Variants in L3MBTL4 observed in about 807,000 individuals in gnomAD.
L3MBTL4 encodes lethal(3)malignant brain tumor-like protein 4.
In L3MBTL4, 70 loss-of-function variants were observed where a neutral mutation model predicts 84.5. The observed-to-expected ratio is 0.83, with a 90% CI of 0.68 to 1.01. The LOEUF (loss-of-function observed/expected upper bound fraction) is 1.01, where lower values mean the gene tolerates loss of function less well. Ranked by LOEUF, L3MBTL4 falls within the 50% of genes least tolerant of loss-of-function variation. The probability of loss-of-function intolerance (pLI) is 0.00; values close to 1 mark genes in which losing one functional copy is unlikely to be tolerated. For synonymous variants in L3MBTL4, 274 were observed against 259.8 expected (o/e 1.05, Z -0.52); for missense variants, 715 against 754.8 (o/e 0.95, Z 0.62).
At chr18:6,131,283 G>C (rs996028879) in intron 14 of L3MBTL4, among the ~76,000 whole-genome samples, 4 of 152,188 alleles carry the variant, frequency 2.6e-5, no homozygotes, top group Non-Finnish European at 5.9e-5. Flanking sequence ...CCTTCTTAAA[G>C]TGGAGCACTA....
chr18:6,197,012 G>A (rs547584056), intron 12 of L3MBTL4, among the ~76,000 whole-genome samples: 2 of 152,348 alleles, frequency 1.3e-5, no homozygotes, highest in South Asian at 2.1e-4. Flanking sequence ...GCAGGGCCCT[G>A]AACAGCTTAC....
intron 1 of L3MBTL4, among the ~76,000 whole-genome samples, chr18:6,331,234 TC>T (rs1431831446): frequency 1.3e-5 from 2 of 152,204 alleles, no homozygotes; most frequent in Admixed American, 1.3e-4. Flanking sequence ...GGTTGTCCTA[TC>T]TTTGATTAAT....
intron 14 of L3MBTL4, among the ~76,000 whole-genome samples, chr18:6,098,884 C>A (rs1012941839): frequency 6.6e-6 from 1 of 152,000 alleles, no homozygotes; most frequent in Non-Finnish European, 1.5e-5. Context: ...CATGTGGAAG[C>A]CTTTATGAAG....
chr18:6,113,758 T>C (rs1464510261), intron 14 of L3MBTL4, among the ~76,000 whole-genome samples: 1 of 152,238 alleles, frequency 6.6e-6, no homozygotes, highest in African/African-American at 2.4e-5. Flanking sequence ...AACTCAAAGA[T>C]AACTTGAGTT....
At chr18:6,083,929 G>A (rs1410398755) in intron 15 of L3MBTL4, among the ~76,000 whole-genome samples, 2 of 152,104 alleles carry the variant, frequency 1.3e-5, no homozygotes, top group African/African-American at 4.8e-5. Flanking sequence ...TTGGAAGAAA[G>A]GGCCTGCATC....
chr18:6,111,965 C>T (rs1307159091), intron 14 of L3MBTL4, among the ~76,000 whole-genome samples: 3 of 152,106 alleles, frequency 2.0e-5, no homozygotes, highest in African/African-American at 7.2e-5. Flanking sequence ...AAATTTTGTG[C>T]CAACATCTCC....
At chr18:6,316,221 C>T (rs1280406178) in intron 1 of L3MBTL4, among the ~76,000 whole-genome samples, 1 of 152,090 alleles carries the variant, frequency 6.6e-6, no homozygotes, top group African/African-American at 2.4e-5. Context: ...CACTGGACCC[C>T]TTGCAGATAA....
At chr18:6,205,945 T>C (rs1318918051) in intron 12 of L3MBTL4, among the ~76,000 whole-genome samples, 2 of 152,188 alleles carry the variant, frequency 1.3e-5, no homozygotes, top group Non-Finnish European at 2.9e-5. Flanking sequence ...GTATGTCTCC[T>C]CCAAAGCTAA....
In L3MBTL4 at chr18:6,313,850, A is replaced by C. The variant is rs528703950; in HGVS notation, c.-90-1794T>G. Among the ~76,000 whole-genome samples the C allele has an allele frequency of 2.0e-5, 3 of 152,350 alleles. No individual in the cohort carries two copies. The East Asian group carries it at 5.8e-4, about 29-fold the overall frequency. ...AGGAAAAAAAAATGAAAGTTTTTAC[A>C]CTGAGGAGAAATTTCAACATACAAT... On this transcript the variant is annotated intron_variant, in intron 1 of 18. Transcript: ENST00000317931.
At chr18:6,304,612 G>C (rs2050500116) in intron 3 of L3MBTL4, among the ~76,000 whole-genome samples, 1 of 152,180 alleles carries the variant, frequency 6.6e-6, no homozygotes, top group African/African-American at 2.4e-5. Context: ...CTTTTAGCAG[G>C]GCATGCAGTG....
At chr18:6,406,445 A>T (rs950055480) in intron 1 of L3MBTL4, among the ~76,000 whole-genome samples, 1 of 152,228 alleles carries the variant, frequency 6.6e-6, no homozygotes, top group African/African-American at 2.4e-5. Flanking sequence ...TTCGATTCAT[A>T]TTCTGACATA....
chr18:6,316,399 T>C (rs986094390), intron 1 of L3MBTL4, among the ~76,000 whole-genome samples: 1 of 152,176 alleles, frequency 6.6e-6, no homozygotes, highest in African/African-American at 2.4e-5. Context: ...ATACCAGGCC[T>C]TGAGTCCCAG....
At chr18:6,200,220 C>G (rs75817340) in intron 12 of L3MBTL4, among the ~76,000 whole-genome samples, 3 of 152,128 alleles carry the variant, frequency 2.0e-5, no homozygotes, top group African/African-American at 7.2e-5. Context: ...TAAGAAGATG[C>G]AATTATATTT....
intron 1 of L3MBTL4, among the ~76,000 whole-genome samples, chr18:6,329,390 C>T (rs1052373043): frequency 2.7e-4 from 41 of 151,896 alleles, no homozygotes; most frequent in African/African-American, 8.2e-4. Flanking sequence ...CCTGACCTCA[C>T]GATCCACCCG....
chr18:6,346,806 T>C (rs914237611), intron 1 of L3MBTL4, among the ~76,000 whole-genome samples: 3 of 152,108 alleles, frequency 2.0e-5, no homozygotes, highest in Non-Finnish European at 2.9e-5. Context: ...TACCATATGA[T>C]CCAGCAATCC....
chr18:6,092,562 C>T (rs550093001), intron 15 of L3MBTL4, among the ~76,000 whole-genome samples: 2 of 152,328 alleles, frequency 1.3e-5, no homozygotes, highest in East Asian at 3.9e-4. Context: ...TTGCCTTTTG[C>T]CTGTGGCAGG....
intron 13 of L3MBTL4, among the ~76,000 whole-genome samples, chr18:6,149,499 C>T (rs1156594078): frequency 6.6e-6 from 1 of 151,722 alleles, no homozygotes; most frequent in Non-Finnish European, 1.5e-5. Context: ...AATAGTGCCG[C>T]AATAAACATA....
At chr18:6,106,391 A>G (rs948741974) in intron 14 of L3MBTL4, among the ~76,000 whole-genome samples, 1 of 152,238 alleles carries the variant, frequency 6.6e-6, no homozygotes. Context: ...TAGGGAACAT[A>G]GAATACTTTG....
At chr18:6,335,011 T>A (rs1242468437) in intron 1 of L3MBTL4, among the ~76,000 whole-genome samples, 2 of 152,300 alleles carry the variant, frequency 1.3e-5, no homozygotes, top group Non-Finnish European at 1.5e-5. Context: ...CCGTTAATGG[T>A]TTACCTTTGT....
Sources: gnomAD v4.1 joint callset for allele counts (sites outside exome capture counted in the v4.1 genomes callset) on GRCh38, gnomAD v4.1.1 for gene constraint, MANE v1.5 for transcripts, NCBI Gene and HGNC (gene_info 2026-07-23, HGNC 2026-07-21) for gene names.